The following PLPP1 variants were observed in gnomAD, a reference collection of about 807,000 sequenced individuals.
PLPP1 encodes the protein phospholipid phosphatase 1.
PLPP1 carries 24 observed loss-of-function variants against 31.2 expected under a neutral mutation model. That is an observed-to-expected ratio of 0.77 (90% CI 0.56 to 1.08). The LOEUF is 1.08. Ranked by LOEUF, PLPP1 falls within the 50% of genes least tolerant of loss-of-function variation. The pLI is 0.00. For missense variants in PLPP1, 319 were observed against 342.7 expected, an observed-to-expected ratio of 0.93 and a Z score of 0.55; for synonymous variants, 146 against 126.3, an observed-to-expected ratio of 1.16 and a Z score of -1.05.
chr5:55,472,368 T>C (rs1298118813), intron 2 of PLPP1, among the ~76,000 whole-genome samples: 1 of 152,086 alleles, frequency 6.6e-6, no homozygotes, highest in Non-Finnish European at 1.5e-5. Flanking sequence ...TTTGGGAGGC[T>C]GAGGCAGGTG....
At chr5:55,524,799 A>T (rs1753746069) in intron 1 of PLPP1, among the ~76,000 whole-genome samples, 1 of 152,122 alleles carries the variant, frequency 6.6e-6, no homozygotes, top group African/African-American at 2.4e-5. Flanking sequence ...GACAAGAGTG[A>T]AACTACGTCC....
chr5:55,488,368 G>C (rs1296596352), intron 1 of PLPP1, among the ~76,000 whole-genome samples: 2 of 151,958 alleles, frequency 1.3e-5, no homozygotes, highest in African/African-American at 2.4e-5. Context: ...AAACTAGATT[G>C]GGTGTGGTGG....
chr5:55,504,703 T>TA (rs886843320), intron 1 of PLPP1, among the ~76,000 whole-genome samples: 9 of 151,890 alleles, frequency 5.9e-5, no homozygotes, highest in African/African-American at 2.2e-4. Flanking sequence ...AAATAATTAG[T>TA]ATATAGAAGC....
chr5:55,458,906 A>AAAAAAAC (rs1752085743), intron 3 of PLPP1, among the ~76,000 whole-genome samples: 1 of 144,080 alleles, frequency 6.9e-6, no homozygotes, highest in Non-Finnish European at 1.5e-5. Context: ...AAAAAAAAAA[A>AAAAAAAC]AAAAAAAAAA....
chr5:55,463,780 CATAAATAAATAAATAAATAAATAAATAA>C (rs58202815), intron 3 of PLPP1, among the ~76,000 whole-genome samples: 3 of 131,416 alleles, frequency 2.3e-5, no homozygotes, highest in East Asian at 2.2e-4. Flanking sequence ...GACCCTGTCC[CATAAATAAATAAATAAATAAATAAATAA>C]ATAAATAAAT....
intron 1 of PLPP1, among the ~76,000 whole-genome samples, chr5:55,488,362 T>C (rs1752817971): frequency 1.3e-5 from 2 of 151,632 alleles, no homozygotes; most frequent in Non-Finnish European, 1.5e-5. Context: ...ACTGTCAAAC[T>C]AGATTGGGTG....
At chr5:55,443,137 T>C (rs1279217120) in intron 3 of PLPP1, among the ~76,000 whole-genome samples, 6 of 144,394 alleles carry the variant, frequency 4.2e-5, no homozygotes, top group Admixed American at 3.6e-4. Context: ...CACGTGTGTA[T>C]GTTTGGCAGC....
At chr5:55,434,579 C>A (rs1751447746) in intron 4 of PLPP1, among the ~76,000 whole-genome samples, 1 of 152,138 alleles carries the variant, frequency 6.6e-6, no homozygotes, top group Non-Finnish European at 1.5e-5. Context: ...TAAAAACAGA[C>A]TCGTCAGCAA....
intron 2 of PLPP1, among the ~76,000 whole-genome samples, chr5:55,472,624 G>A (rs1211679817): frequency 2.1e-5 from 3 of 143,952 alleles, no homozygotes; most frequent in African/African-American, 7.7e-5. Flanking sequence ...AGAAACAAAG[G>A]AAAGAAAGAG....
chr5:55,471,352 C>A, intron 2 of PLPP1, among the ~76,000 whole-genome samples: 1 of 152,216 alleles, frequency 6.6e-6, no homozygotes, highest in East Asian at 1.9e-4. Context: ...CAGGCACCCA[C>A]CACCGCACCC....
At position 55,425,347 on chromosome 5, in the gene PLPP1, A is replaced by ATATT; in HGVS notation, c.727-17_727-14dup. Reference sequence around the variant, plus strand: ...ATACATATACAGCCTACAGTGCAAAATATTTAATGGTATAATTTAGATCAA... The same window carrying ATATT: ...ATACATATACAGCCTACAGTGCAAAATATTTATTTAATGGTATAATTTAGATCAA... On this transcript the variant is annotated splice_polypyrimidine_tract_variant and intron_variant, in intron 5 of 5. Transcript: ENST00000307259. 6.3e-7 allele frequency: 1 copy of ATATT among 1,579,682 alleles called. No individual in the cohort carries two copies. Among genetic ancestry groups the ATATT allele is most frequent in the South Asian group, 1.1e-5 (1 of 88,644 alleles).
At chr5:55,509,264 G>A (rs1753352456) in intron 1 of PLPP1, among the ~76,000 whole-genome samples, 1 of 152,228 alleles carries the variant, frequency 6.6e-6, no homozygotes, top group Non-Finnish European at 1.5e-5. Flanking sequence ...GGTATTGGTA[G>A]GGAAGGGGCA....
chr5:55,500,470 T>G (rs185935511), intron 1 of PLPP1, among the ~76,000 whole-genome samples: 94 of 152,230 alleles, frequency 6.2e-4, no homozygotes, highest in African/African-American at 2.2e-3. Flanking sequence ...GAGATGGTAT[T>G]TTTTTTAAGC....
At chr5:55,453,552 C>A (rs558415452) in intron 3 of PLPP1, among the ~76,000 whole-genome samples, 24 of 152,190 alleles carry the variant, frequency 1.6e-4, no homozygotes, top group Non-Finnish European at 3.2e-4. Flanking sequence ...CCTCAAATTT[C>A]TTTTTCCATT....
chr5:55,480,473 C>A (rs1175080908), intron 1 of PLPP1, among the ~76,000 whole-genome samples: 1 of 151,948 alleles, frequency 6.6e-6, no homozygotes, highest in Non-Finnish European at 1.5e-5. Flanking sequence ...GAAACCCAGG[C>A]AACCACTCAT....
chr5:55,446,551 G>A (rs1394434513), intron 3 of PLPP1, among the ~76,000 whole-genome samples: 6 of 152,092 alleles, frequency 3.9e-5, no homozygotes, highest in Non-Finnish European at 1.5e-5. Context: ...CTGTCTCAGG[G>A]TAGCTTGTTT....
chr5:55,443,804 TA>T (rs1416542163), intron 3 of PLPP1, among the ~76,000 whole-genome samples: 2 of 152,226 alleles, frequency 1.3e-5, no homozygotes, highest in African/African-American at 4.8e-5. Context: ...AGACAGGGAT[TA>T]AAAACAAAGG....
chr5:55,458,383 T>C (rs1238357490), intron 3 of PLPP1, among the ~76,000 whole-genome samples: 1 of 152,032 alleles, frequency 6.6e-6, no homozygotes, highest in Admixed American at 6.6e-5. Flanking sequence ...AACTAATACA[T>C]ATATGCTTTT....
chr5:55,518,880 A>G (rs1202308896), intron 1 of PLPP1, among the ~76,000 whole-genome samples: 1 of 152,234 alleles, frequency 6.6e-6, no homozygotes, highest in African/African-American at 2.4e-5. Flanking sequence ...TAAATGAAGC[A>G]GCCATGGGAT....
Sources: allele counts gnomAD v4.1 joint callset (sites outside exome capture counted in the v4.1 genomes callset), GRCh38; gene constraint gnomAD v4.1.1; transcripts MANE v1.5; gene names NCBI Gene and HGNC (gene_info 2026-07-23, HGNC 2026-07-21).